KIR2DL3: variants seen among roughly 807,000 people sequenced by gnomAD.
KIR2DL3 encodes killer cell immunoglobulin like receptor, two Ig domains and long cytoplasmic tail 3, also known as killer cell immunoglobulin-like receptor 2DL3.
A neutral mutation model predicts 33.8 loss-of-function variants in KIR2DL3; 39 were observed. The ratio of observed to expected loss-of-function variants is 1.15; its 90% CI spans 0.89 to 1.51. The LOEUF is 1.51. Among genes scored for constraint, KIR2DL3 ranks in the 40% most tolerant of loss-of-function variants. The probability of loss-of-function intolerance (pLI) is 0.00; values close to 1 mark genes in which losing one functional copy is unlikely to be tolerated. For missense variants in KIR2DL3, 462 were observed against 426.2 expected (o/e 1.08, Z -0.74); for synonymous variants, 174 against 160.2 (o/e 1.09, Z -0.65).
At chr19:54,738,720 G>C in intron 1 of KIR2DL3, 141 bp downstream of exon 1, 2 of 1,376,394 alleles carry the variant, frequency 1.5e-6, no homozygotes, top group Non-Finnish European at 2.0e-6. Context: ...GCCTGGAGTG[G>C]AGATCTGGGC....
intron 5 of KIR2DL3, among the ~76,000 whole-genome samples, chr19:54,751,323 G>A (rs557372829): frequency 3.1e-4 from 39 of 127,200 alleles, no homozygotes; most frequent in South Asian, 5.9e-4. Context: ...GTCTCCTTGG[G>A]ACAGCATTGG....
At chr19:54,739,669 A>G (rs2070635221) in intron 2 of KIR2DL3, 127 bp downstream of exon 2, 1 of 1,504,670 alleles carries the variant, frequency 6.6e-7, no homozygotes, top group African/African-American at 1.4e-5. Context: ...TGCTCAGCCC[A>G]CATTTCTGAC....
At position 54,751,705 on chromosome 19, in the gene KIR2DL3, A is replaced by G. The variant is rs149123309; in HGVS notation, c.772A>G (p.Ile258Val). 2,116 of 1,465,718 alleles carry G rather than the reference A, an allele frequency of 1.4e-3. 369 individuals carry two copies. The African/African-American group carries it at 0.029, about 20-fold the overall frequency. The allele number at this position is 1,465,718 out of a possible 1,614,324, so 90.8% of individuals were successfully genotyped here. ...GACCTCAGTGGTCATCATCCTCTTC[A>G]TCCTCCTCCTCTTCTTTCTCCTTCA... Reference protein sequence around the residue: ...IGTSVVIILFILLLFFLLHRW... With the variant: ...IGTSVVIILFVLLLFFLLHRW... The change falls in exon 6 of 8, where the codon ATC (isoleucine) becomes GTC (valine). Residue 258 changes from isoleucine to valine, a missense_variant. Coordinates refer to ENST00000342376, the MANE Select transcript of KIR2DL3 (RefSeq NM_015868.3).
At chr19:54,742,425 G>A in intron 3 of KIR2DL3, 146 bp downstream of exon 3, 1 of 1,183,274 alleles carries the variant, frequency 8.5e-7, no homozygotes, top group Non-Finnish European at 1.2e-6. Flanking sequence ...AACAGAGACA[G>A]AGAAACAGGA....
Position 54,743,320 on chromosome 19 carries a change from G to T in KIR2DL3, c.371-475G>T, listed in dbSNP as rs1332854786. Among the ~76,000 whole-genome samples the T allele has an allele frequency of 2.4e-4, 36 of 152,008 alleles. 1 individual carries two copies. Among genetic ancestry groups the T allele is most frequent in the African/African-American group, 8.7e-4 (36 of 41,424 alleles). ...AGACAGAAATCATAGAGAGAGAGAT[G>T]ATACATACATATAAATAACAGATGA... On this transcript the variant is annotated intron_variant, in intron 3 of 7. Coordinates refer to ENST00000342376, the MANE Select transcript of KIR2DL3 (RefSeq NM_015868.3).
chr19:54,744,162 G>C (rs1279636971), intron 4 of KIR2DL3, 74 bp downstream of exon 4: 3 of 1,593,914 alleles, frequency 1.9e-6, no homozygotes, highest in Non-Finnish European at 2.6e-6. Context: ...GCTGATGATG[G>C]AGAGAAGCAT....
intron 4 of KIR2DL3, among the ~76,000 whole-genome samples, chr19:54,746,425 G>C (rs201678781): frequency 7.1e-6 from 1 of 140,622 alleles, no homozygotes; most frequent in Non-Finnish European, 1.6e-5. Context: ...TTTTTGCTTC[G>C]ATTACTTGTG....
At position 54,743,855 on chromosome 19, in the gene KIR2DL3, G is replaced by A. The variant is rs368954426; in HGVS notation, c.431G>A (p.Ser144Asn). 55 of 1,613,298 alleles carry A rather than the reference G, an allele frequency of 3.4e-5. No homozygotes were observed. The Middle Eastern group carries it at 4.9e-4, about 14-fold the overall frequency. ...QPGPTVLAGE[S>N]VTLSCSSRSS... ...GGCCCCACGGTTCTGGCAGGAGAGA[G>A]CGTGACCTTGTCCTGCAGCTCCCGG... The change falls in exon 4 of 8, where the codon AGC becomes AAC. Residue 144 changes from serine to asparagine, a missense_variant. By Grantham distance (46) the Ser-to-Asn change is conservative (BLOSUM62 1). Coordinates refer to ENST00000342376, the MANE Select transcript of KIR2DL3 (RefSeq NM_015868.3).
At position 54,752,540 on chromosome 19, in the gene KIR2DL3, A is replaced by G; in HGVS notation, c.*21A>G. ...CCTGATCCAAAGTTGTCTCCTGCCC[A>G]TGAGCACCACAGTCAGGCCTTGAGG... is the stretch of plus-strand genomic sequence containing the variant. On this transcript the variant is annotated 3_prime_UTR_variant, in exon 8 of 8. Coordinates refer to ENST00000342376, the MANE Select transcript of KIR2DL3 (RefSeq NM_015868.3). The G allele has an allele frequency of 4.8e-6, 7 of 1,462,968 alleles. 2 individuals are homozygous for G. The highest frequency in any genetic ancestry group is 4.6e-6 in the Non-Finnish European group (5 of 1,075,842). The allele number at this position is 1,462,968 out of a possible 1,614,324, so 90.6% of individuals were successfully genotyped here.
At chr19:54,744,870 T>TTATATATATATATATATATA (rs1185648350) in intron 4 of KIR2DL3, among the ~76,000 whole-genome samples, 125 of 78,356 alleles carry the variant, frequency 1.6e-3, no homozygotes, top group Non-Finnish European at 2.7e-3. Flanking sequence ...ATAAATACAT[T>TTATATATATATATATATATA]TATATATATA....
In KIR2DL3 at chr19:54,743,905, T is replaced by A. The variant is rs1337872799; in HGVS notation, c.481T>A (p.Ser161Thr). Residue 161 changes from serine (S) to threonine (T), a missense_variant, in exon 4 of 8, where the codon TCC becomes ACC. Coordinates refer to ENST00000342376, the MANE Select transcript of KIR2DL3 (RefSeq NM_015868.3). ...SRSSYDMYHL[S>T]REGEAHERRF... ...GAGCTCCTATGACATGTACCATCTA[T>A]CCAGGGAGGGGGAGGCCCATGAACG... 1.1e-5 allele frequency: 18 copies of A among 1,613,926 alleles called. No homozygotes were observed. The highest frequency in any genetic ancestry group is 1.4e-5 in the Non-Finnish European group (17 of 1,180,002).
chr19:54,748,313 T>C (rs2072881470), intron 5 of KIR2DL3, among the ~76,000 whole-genome samples: 2 of 151,308 alleles, frequency 1.3e-5, no homozygotes, highest in Non-Finnish European at 2.9e-5. Flanking sequence ...CATAATCTCC[T>C]GGAAATCATC....
chr19:54,741,370 A>C (rs2071065340), intron 2 of KIR2DL3, among the ~76,000 whole-genome samples: 1 of 151,480 alleles, frequency 6.6e-6, no homozygotes, highest in African/African-American at 2.4e-5. Context: ...AAGAAACCAA[A>C]CAAGGAGAAG....
At position 54,750,579 on chromosome 19, in the gene KIR2DL3, G is replaced by T. The variant is rs74744812; in HGVS notation, c.716-1070G>T. ...TTGATTCAAGAATGCTGTGGATGTA[G>T]AAATCCTAAAGCACATTCGCTGTGT... On this transcript the variant is annotated intron_variant, in intron 5 of 7. Coordinates refer to ENST00000342376, the MANE Select transcript of KIR2DL3 (RefSeq NM_015868.3). 8.9e-3 allele frequency among the ~76,000 whole-genome samples: 1,068 copies of T among 120,118 alleles called. 1 individual carries two copies. Among genetic ancestry groups the T allele is most frequent in the South Asian group, 0.022 (68 of 3,162 alleles). 78.8% of individuals were successfully genotyped at this position (120,118 alleles called of 152,430 possible).
At chr19:54,747,411 G>T in intron 5 of KIR2DL3, 26 bp downstream of exon 5, 3 of 1,607,482 alleles carry the variant, frequency 1.9e-6, no homozygotes, top group Non-Finnish European at 2.6e-6. Flanking sequence ...TCTTATATCC[G>T]CTTTTGGAAA....
Position 54,742,249 on chromosome 19 carries a change from C to G in KIR2DL3, c.340C>G (p.Pro114Ala). The change falls in exon 3 of 8, where the codon CCC becomes GCC. Residue 114 changes from proline (P) to alanine (A), a missense_variant. Transcript: ENST00000342376. ...VTHSPYQLSAPSDPLDIVITG... is the reference protein window; with the variant it reads ...VTHSPYQLSAASDPLDIVITG... The stretch of plus-strand genomic sequence containing the variant: ...TCACTCCCCCTATCAGTTGTCAGCT[C>G]CCAGTGACCCTCTGGACATCGTCAT... The G allele has an allele frequency of 6.2e-7, 1 of 1,614,178 alleles. No homozygotes were observed. The highest frequency in any genetic ancestry group is 8.5e-7 in the Non-Finnish European group (1 of 1,180,030).
rs1042533081 is a variant in KIR2DL3 at position 54,738,562 on chromosome 19, T to C, written c.17T>C (p.Val6Ala). ...GACAGCACCATGTCGCTCATGGTCG[T>C]CAGCATGGTGTGTGTTGGTGAGTCC... Reference protein sequence around the residue: MSLMVVSMVCVGFFLL... With the variant: MSLMVASMVCVGFFLL... The change falls in exon 1 of 8, where the codon GTC (valine) becomes GCC (alanine). Residue 6 changes from valine (V) to alanine (A), a missense_variant. Physicochemically the swap from Val to Ala is moderately conservative, Grantham distance 64. Transcript: ENST00000342376. 6.2e-7 allele frequency: 1 copy of C among 1,614,042 alleles called. No homozygotes were observed. Among genetic ancestry groups the C allele is most frequent in the African/African-American group, 1.3e-5 (1 of 74,944 alleles).
Position 54,747,157 on chromosome 19 carries a change from C to T in KIR2DL3, c.665-178C>T, listed in dbSNP as rs191275936. Among the ~76,000 whole-genome samples, 588 of 146,972 alleles carry T rather than the reference C, an allele frequency of 4.0e-3. 13 individuals are homozygous for T. Among genetic ancestry groups the T allele is most frequent in the African/African-American group, 0.013 (519 of 39,764 alleles). ...GTGATGCTCCTGTTTTCTCTTTATA[C>T]CTTGAAGTCTCAAGACAGTGGGCGT... On this transcript the variant is annotated intron_variant, in intron 4 of 7. Transcript: ENST00000342376.
At chr19:54,751,856 C>T (rs2073497580) in intron 6 of KIR2DL3, 103 bp downstream of exon 6, 2 of 1,029,452 alleles carry the variant, frequency 1.9e-6, no homozygotes, top group Non-Finnish European at 1.4e-6. Flanking sequence ...GTCCCTGGCC[C>T]AAGGCAGCAG....
Sources: gnomAD v4.1 joint callset for allele counts (sites outside exome capture counted in the v4.1 genomes callset) on GRCh38, gnomAD v4.1.1 for gene constraint, MANE v1.5 for transcripts, NCBI Gene and HGNC (gene_info 2026-07-23, HGNC 2026-07-21) for gene names.